XPR1: variants seen among roughly 807,000 people sequenced by gnomAD.
XPR1 encodes the protein solute carrier family 53 member 1.
In XPR1, 28 loss-of-function variants were observed where a neutral mutation model predicts 87.5. The ratio of observed to expected loss-of-function variants is 0.32; its 90% CI spans 0.24 to 0.44. XPR1 has a LOEUF of 0.44. Ranked by LOEUF, XPR1 falls within the 20% of genes least tolerant of loss-of-function variation. The pLI, the probability that XPR1 is intolerant of heterozygous loss-of-function variation, is 1.00. For synonymous variants in XPR1, 300 were observed against 306.1 expected, an observed-to-expected ratio of 0.98 and a Z score of 0.21; for missense variants, 559 against 862.3, an observed-to-expected ratio of 0.65 and a Z score of 4.41.
At chr1:180,816,550 A>G (rs756314744) in intron 7 of XPR1, among the ~76,000 whole-genome samples, 4 of 152,214 alleles carry the variant, frequency 2.6e-5, no homozygotes, top group Non-Finnish European at 5.9e-5. Context: ...ATTGTTTGTA[A>G]TAGTATCCAG....
intron 1 of XPR1, among the ~76,000 whole-genome samples, chr1:180,671,608 C>G (rs1656177963): frequency 6.6e-6 from 1 of 152,036 alleles, no homozygotes; most frequent in African/African-American, 2.4e-5. Context: ...CACTGCAGCC[C>G]CCACCTCCTG....
chr1:180,712,939 T>C (rs1043254205), intron 2 of XPR1, among the ~76,000 whole-genome samples: 22 of 112,112 alleles, frequency 2.0e-4, no homozygotes, highest in Non-Finnish European at 3.4e-4. Context: ...TCCAGCTTTG[T>C]TCTTTTTTTT....
chr1:180,729,554 G>A (rs1422609877), intron 2 of XPR1, among the ~76,000 whole-genome samples: 2 of 152,200 alleles, frequency 1.3e-5, no homozygotes, highest in South Asian at 4.1e-4. Context: ...CCTCAACCTC[G>A]CCAGCATCTT....
At chr1:180,707,486 T>G (rs1044167166) in intron 2 of XPR1, among the ~76,000 whole-genome samples, 2 of 152,236 alleles carry the variant, frequency 1.3e-5, no homozygotes, top group Non-Finnish European at 2.9e-5. Flanking sequence ...TTTCAAGTTA[T>G]ACCTGTCCCT....
intron 2 of XPR1, among the ~76,000 whole-genome samples, chr1:180,740,870 G>C (rs1192206280): frequency 6.6e-6 from 1 of 152,194 alleles, no homozygotes; most frequent in Non-Finnish European, 1.5e-5. Context: ...CTGGCCCCTA[G>C]ATGACTGTCT....
intron 2 of XPR1, among the ~76,000 whole-genome samples, chr1:180,714,852 C>CA (rs775697247): frequency 2.6e-3 from 389 of 151,750 alleles, no homozygotes; most frequent in Non-Finnish European, 4.0e-3. Flanking sequence ...CAATTTTAAT[C>CA]AGTGTTTTTG....
At chr1:180,812,949 A>C (rs1650273617) in intron 7 of XPR1, among the ~76,000 whole-genome samples, 1 of 151,906 alleles carries the variant, frequency 6.6e-6, no homozygotes, top group Non-Finnish European at 1.5e-5. Context: ...GCGCCCGGCC[A>C]GCAGCCATTT....
chr1:180,662,848 T>G (rs1158517726), intron 1 of XPR1, among the ~76,000 whole-genome samples: 1 of 152,226 alleles, frequency 6.6e-6, no homozygotes, highest in Non-Finnish European at 1.5e-5. Context: ...TCTGACTGTG[T>G]GTTTACAAAT....
At chr1:180,746,628 A>G (rs190514790) in intron 2 of XPR1, among the ~76,000 whole-genome samples, 7 of 152,244 alleles carry the variant, frequency 4.6e-5, no homozygotes, top group Admixed American at 4.6e-4. Flanking sequence ...GATACATAGT[A>G]GTGGGATTAC....
chr1:180,705,531 T>G (rs1337668902), intron 2 of XPR1, among the ~76,000 whole-genome samples: 1 of 152,200 alleles, frequency 6.6e-6, no homozygotes, highest in African/African-American at 2.4e-5. Flanking sequence ...TATGTTCTTA[T>G]TAGGTTCCTC....
At chr1:180,651,785 T>C (rs1460396784) in intron 1 of XPR1, among the ~76,000 whole-genome samples, 3 of 152,304 alleles carry the variant, frequency 2.0e-5, no homozygotes, top group Non-Finnish European at 2.9e-5. Context: ...GGAAATAACA[T>C]TGTAGAACCT....
intron 3 of XPR1, among the ~76,000 whole-genome samples, chr1:180,794,826 T>G (rs1238855965): frequency 6.6e-6 from 1 of 152,200 alleles, no homozygotes; most frequent in Non-Finnish European, 1.5e-5. Context: ...TAACAAATAG[T>G]CTTTTGAGGC....
chr1:180,756,771 T>C (rs778918706), intron 2 of XPR1, among the ~76,000 whole-genome samples: 1 of 152,218 alleles, frequency 6.6e-6, no homozygotes, highest in East Asian at 1.9e-4. Context: ...TGGGTGATAC[T>C]TAGTAATGAA....
In XPR1 at chr1:180,632,101, C is replaced by T; in HGVS notation, c.-101C>T. 4.2e-6 allele frequency: 6 copies of T among 1,420,676 alleles called. No homozygotes were observed. The South Asian group carries it at 7.4e-5, about 17-fold the overall frequency. The allele number at this position is 1,420,676 out of a possible 1,614,324, so 88.0% of individuals were successfully genotyped here. A position where few individuals can be genotyped will look rare whatever the true frequency, so the allele number is the denominator to read the frequency against. On this transcript the variant is annotated 5_prime_UTR_variant, in exon 1 of 15. Transcript: ENST00000367590. ...GGCGGAGGAGGAGAGAAGCGCAGCG[C>T]CGCGCCGCGCCGGGGCCCATGTGGG...
At position 180,860,692 on chromosome 1, in the gene XPR1, G is replaced by T. The variant is rs12040430; in HGVS notation, c.1502-3016G>T. ...GAACACAGACTGGTGGTTGTCCGTG[G>T]GGCTACAATGGAGTGTGTGGGAATT... On this transcript the variant is annotated intron_variant, in intron 11 of 14. Transcript: ENST00000367590. 1.6e-3 allele frequency among the ~76,000 whole-genome samples: 242 copies of T among 152,052 alleles called. 5 individuals carry two copies. The East Asian group carries it at 0.045, about 28-fold the overall frequency.
intron 2 of XPR1, among the ~76,000 whole-genome samples, chr1:180,714,855 T>C (rs1413224598): frequency 2.6e-5 from 4 of 152,152 alleles, no homozygotes; most frequent in African/African-American, 7.2e-5. Flanking sequence ...TTTTAATCAG[T>C]GTTTTTGAAG....
chr1:180,773,561 CATACTT>C (rs146012938), intron 2 of XPR1, among the ~76,000 whole-genome samples: 49 of 152,278 alleles, frequency 3.2e-4, no homozygotes, highest in African/African-American at 1.1e-3. Context: ...AAATTGTACT[CATACTT>C]ATTTGTATCT....
chr1:180,679,876 G>GA (rs943417956), intron 1 of XPR1, among the ~76,000 whole-genome samples: 1 of 151,240 alleles, frequency 6.6e-6, no homozygotes, highest in Non-Finnish European at 1.5e-5. Context: ...GGCAACAAAA[G>GA]AAAAAAAATA....
At chr1:180,704,259 T>TATATATATATATAC (rs1657469347) in intron 2 of XPR1, among the ~76,000 whole-genome samples, 1 of 136,936 alleles carries the variant, frequency 7.3e-6, no homozygotes, top group South Asian at 2.4e-4. Context: ...TATATATATA[T>TATATATATATATAC]ATATATATAT....
Sources: gnomAD v4.1 joint callset for allele counts (sites outside exome capture counted in the v4.1 genomes callset) on GRCh38, gnomAD v4.1.1 for gene constraint, MANE v1.5 for transcripts, NCBI Gene and HGNC (gene_info 2026-07-23, HGNC 2026-07-21) for gene names.